Variants in CAND2 observed in about 807,000 individuals in gnomAD.
CAND2 encodes the protein cullin-associated NEDD8-dissociated protein 2.
In CAND2, 62 loss-of-function variants were observed where a neutral mutation model predicts 98.9. The ratio of observed to expected loss-of-function variants is 0.63; its 90% confidence interval spans 0.51 to 0.77. The LOEUF (loss-of-function observed/expected upper bound fraction) is 0.77, where lower values mean the gene tolerates loss of function less well. CAND2 is among the 30% of genes least tolerant of loss of function. CAND2 has a pLI of 0.00. For missense variants in CAND2, 1,501 were observed against 1,655.2 expected (o/e 0.91, Z 1.62); for synonymous variants, 770 against 731.9 (o/e 1.05, Z -0.84).
chr3:12,804,012 T>G (rs1385162185), intron 2 of CAND2, among the ~76,000 whole-genome samples: 1 of 152,042 alleles, frequency 6.6e-6, no homozygotes, highest in Non-Finnish European at 1.5e-5. Context: ...AGCTGGGGTA[T>G]TAATCCACCA....
intron 1 of CAND2, among the ~76,000 whole-genome samples, chr3:12,800,200 A>G (rs1436079869): frequency 6.6e-6 from 1 of 152,226 alleles, no homozygotes; most frequent in Non-Finnish European, 1.5e-5. Flanking sequence ...CCATGCTGCC[A>G]GCCCAGCCTC....
chr3:12,825,720 C>A lies in CAND2; in HGVS notation c.3210+81C>A. The A allele has an allele frequency of 4.9e-6, 7 of 1,429,246 alleles. No homozygotes were observed. The South Asian group carries it at 8.9e-5, about 18-fold the overall frequency. The allele number at this position is 1,429,246 out of a possible 1,614,324, so 88.5% of individuals were successfully genotyped here. A position where few individuals can be genotyped will look rare whatever the true frequency, so the allele number is the denominator to read the frequency against. Reference sequence around the variant, plus strand: ...CCTCACTGTTAGGGCATTATTATCTCATCAGAGCAGGTGCCGGGGCCACAT... The same window carrying A: ...CCTCACTGTTAGGGCATTATTATCTAATCAGAGCAGGTGCCGGGGCCACAT... On this transcript the variant is annotated intron_variant, in intron 12 of 14. Coordinates refer to ENST00000456430, the MANE Select transcript of CAND2 (RefSeq NM_001162499.2).
chr3:12,810,806 C>A (rs898396565), intron 5 of CAND2, among the ~76,000 whole-genome samples: 4 of 152,170 alleles, frequency 2.6e-5, no homozygotes, highest in Non-Finnish European at 2.9e-5. Flanking sequence ...TACAATAAAC[C>A]GCACTATTTA....
chr3:12,799,045 G>A (rs1459896751), intron 1 of CAND2, among the ~76,000 whole-genome samples: 1 of 152,168 alleles, frequency 6.6e-6, no homozygotes, highest in Non-Finnish European at 1.5e-5. Flanking sequence ...CAGTCAAAAC[G>A]AGTACCCTTG....
In CAND2 at chr3:12,834,246, AGTGACTTCACACT is replaced by A; in HGVS notation, c.*267_*279del. On this transcript the variant is annotated 3_prime_UTR_variant, in exon 15 of 15. Coordinates refer to ENST00000456430, the MANE Select transcript of CAND2 (RefSeq NM_001162499.2). Reference sequence around the variant, plus strand: ...AAGAAATAGGGTGAGGAAGTTTTCCAGTGACTTCACACTGTACCCCTCCATAGTCTGTCTGGTT... The same window carrying A: ...AAGAAATAGGGTGAGGAAGTTTTCCAGTACCCCTCCATAGTCTGTCTGGTT... 2.0e-6 allele frequency: 1 copy of A among 501,960 alleles called. No individual in the cohort carries two copies. The highest frequency in any genetic ancestry group is 2.3e-5 in the South Asian group (1 of 43,370). The allele number at this position is 501,960 out of a possible 1,614,324, so 31.1% of individuals were successfully genotyped here. A position where few individuals can be genotyped will look rare whatever the true frequency, so the allele number is the denominator to read the frequency against.
Position 12,825,503 on chromosome 3 carries a change from T to A in CAND2, c.3074T>A (p.Leu1025Gln). The A allele has an allele frequency of 6.4e-7, 1 of 1,571,580 alleles. No homozygotes were observed. Among genetic ancestry groups the A allele is most frequent in the East Asian group, 2.3e-5 (1 of 43,176 alleles). Residue 1025 changes from leucine to glutamine, a missense_variant, in exon 12 of 15, where the codon CTG (leucine) becomes CAG (glutamine). Physicochemically the swap from Leu to Gln is moderately radical, Grantham distance 113. Coordinates refer to ENST00000456430, the MANE Select transcript of CAND2 (RefSeq NM_001162499.2). Reference sequence around the variant, plus strand: ...ATGGAGAGCCTGCAGGACCCAGACCTGAACGTGCGCCGTGCGACTCTGGCT... The same window carrying A: ...ATGGAGAGCCTGCAGGACCCAGACCAGAACGTGCGCCGTGCGACTCTGGCT... ...EFMESLQDPD[L>Q]NVRRATLAFF...
At chr3:12,820,944 G>A (rs2061952639) in intron 11 of CAND2, among the ~76,000 whole-genome samples, 1 of 152,168 alleles carries the variant, frequency 6.6e-6, no homozygotes. Flanking sequence ...TATAAAATGG[G>A]GGTGCTGGGC....
At position 12,815,370 on chromosome 3, in the gene CAND2, A is replaced by T; in HGVS notation, c.1236A>T (p.Gly412=). 6.2e-7 allele frequency: 1 copy of T among 1,613,878 alleles called. No individual in the cohort carries two copies. The part of the protein sequence containing the change: ...VLLRQTQPPK[G]WLEAMEEPTQ... ...TGCGGCAAACACAGCCCCCGAAGGG[A>T]TGGCTGGAGGCCATGGAGGAACCCA... The change falls in exon 8 of 15, where the codon GGA becomes GGT. Residue 412 remains glycine, a synonymous_variant. Coordinates refer to ENST00000456430, the MANE Select transcript of CAND2 (RefSeq NM_001162499.2). This position sits in a 1 kb window ranked among gnomAD's most constrained non-coding sequence, Gnocchi z 5.7.
At chr3:12,813,131 G>C (rs1161611591) in intron 6 of CAND2, 36 bp downstream of exon 6, 3 of 1,567,722 alleles carry the variant, frequency 1.9e-6, no homozygotes, top group Admixed American at 3.8e-5. Flanking sequence ...ATCCCTTTGG[G>C]AAGTTGGTGG....
intron 1 of CAND2, among the ~76,000 whole-genome samples, chr3:12,799,262 G>C (rs557021043): frequency 2.2e-4 from 33 of 152,072 alleles, no homozygotes; most frequent in Non-Finnish European, 3.8e-4. Flanking sequence ...GATACTATGA[G>C]GTAGGGCAAA....
At position 12,812,979 on chromosome 3, in the gene CAND2, T is replaced by C. The variant is rs1189884396; in HGVS notation, c.758-11T>C. On this transcript the variant is annotated splice_polypyrimidine_tract_variant and intron_variant, in intron 5 of 14. Transcript: ENST00000456430. ...TCTGGCTTGGGTTCAGTGATCCACC[T>C]GGCCCTGCAGGGGCTCACCTGGACC... 6.5e-7 allele frequency: 1 copy of C among 1,542,126 alleles called. No homozygotes were observed. The highest frequency in any genetic ancestry group is 1.9e-5 in the Admixed American group (1 of 51,546).
At chr3:12,804,300 A>G (rs1418771148) in intron 2 of CAND2, among the ~76,000 whole-genome samples, 1 of 151,864 alleles carries the variant, frequency 6.6e-6, no homozygotes, top group Non-Finnish European at 1.5e-5. Context: ...CTAAATAATA[A>G]TTAAAAAAAA....
rs78302043 is a variant in CAND2 at position 12,796,685 on chromosome 3, C to T, written c.-36C>T. 0.07 allele frequency: 108,086 copies of T among 1,553,378 alleles called. 4,331 individuals carry two copies. Among genetic ancestry groups the T allele is most frequent in the Non-Finnish European group, 0.083 (94,814 of 1,147,056 alleles). On this transcript the variant is annotated 5_prime_UTR_variant, in exon 1 of 15. Coordinates refer to ENST00000456430, the MANE Select transcript of CAND2 (RefSeq NM_001162499.2). ...GAGGGGGCGCCCGCGCCGCCATATT[C>T]CCTCCCGCCGGCCGGCTCCGCGGCG...
At chr3:12,820,267 C>T (rs2061946819) in intron 11 of CAND2, 86 bp downstream of exon 11, 3 of 1,019,286 alleles carry the variant, frequency 2.9e-6, no homozygotes, top group East Asian at 2.6e-5. Context: ...ACCCAATAGC[C>T]AAGGGCAATG....
At chr3:12,824,110 A>G (rs112033271) in intron 11 of CAND2, among the ~76,000 whole-genome samples, 12,077 of 152,246 alleles carry the variant, frequency 0.079, 593 homozygotes, top group South Asian at 0.11. Context: ...GTTTGAGACC[A>G]GCCTGGGTAA....
At chr3:12,804,119 T>C (rs1436071703) in intron 2 of CAND2, among the ~76,000 whole-genome samples, 1 of 151,974 alleles carries the variant, frequency 6.6e-6, no homozygotes, top group Non-Finnish European at 1.5e-5. Context: ...CTCAGACAGA[T>C]GTAAATGCTG....
intron 1 of CAND2, among the ~76,000 whole-genome samples, chr3:12,803,116 A>G (rs1389103634): frequency 6.6e-6 from 1 of 151,530 alleles, no homozygotes; most frequent in East Asian, 1.9e-4. Flanking sequence ...CAGCCTCCCA[A>G]GTAGCTGGGA....
intron 1 of CAND2, among the ~76,000 whole-genome samples, chr3:12,799,568 TTGGC>T (rs1241908387): frequency 6.6e-6 from 1 of 152,130 alleles, no homozygotes. Flanking sequence ...TTCGGACTAT[TTGGC>T]TGTAAGTTCT....
chr3:12,824,706 G>A (rs914272624), intron 11 of CAND2, among the ~76,000 whole-genome samples: 3 of 152,120 alleles, frequency 2.0e-5, no homozygotes, highest in Admixed American at 6.5e-5. Flanking sequence ...TCAGGAGTTC[G>A]AGACCAGCCT....
Sources: allele counts gnomAD v4.1 joint callset (sites outside exome capture counted in the v4.1 genomes callset), GRCh38; gene constraint gnomAD v4.1.1; non-coding constraint Gnocchi (gnomAD v3.1); transcripts MANE v1.5; gene names NCBI Gene and HGNC (gene_info 2026-07-23, HGNC 2026-07-21).